The following TRIM58 variants were observed in gnomAD, a reference collection of about 807,000 sequenced individuals.
The protein encoded by TRIM58 is tripartite motif containing 58, also known as E3 ubiquitin-protein ligase TRIM58.
TRIM58 carries 38 observed loss-of-function variants against 34.1 expected under a neutral mutation model. The ratio of observed to expected loss-of-function variants is 1.12; its 90% CI spans 0.86 to 1.46. The LOEUF (loss-of-function observed/expected upper bound fraction) is 1.46, where lower values mean the gene tolerates loss of function less well. TRIM58 is among the 40% of genes most tolerant of loss of function. The pLI is 0.00. For missense variants in TRIM58, 677 were observed against 642.0 expected (o/e 1.05, Z -0.59); for synonymous variants, 273 against 275.7 (o/e 0.99, Z 0.10).
intron 5 of TRIM58, among the ~76,000 whole-genome samples, chr1:247,872,405 G>C (rs1164927652): frequency 6.6e-6 from 1 of 152,146 alleles, no homozygotes; most frequent in Non-Finnish European, 1.5e-5. Context: ...AAGATTTGCT[G>C]TTGGATTATA....
chr1:247,874,484 G>A (rs1277328956), intron 5 of TRIM58, among the ~76,000 whole-genome samples: 7 of 152,128 alleles, frequency 4.6e-5, no homozygotes, highest in South Asian at 4.1e-4. Context: ...ACATGAGACC[G>A]GGAGGCGATA....
At chr1:247,860,511 T>G in intron 1 of TRIM58, 106 bp from the exon 2 acceptor site, 1 of 704,084 alleles carries the variant, frequency 1.4e-6, no homozygotes, top group South Asian at 2.0e-5. Flanking sequence ...CATTTTTATG[T>G]GCTTTCTAGG....
At position 247,872,878 on chromosome 1, in the gene TRIM58, G is replaced by C. The variant is rs144507102; in HGVS notation, c.872-3022G>C. The stretch of plus-strand genomic sequence containing the variant: ...ATGGATGAGTGTTACCTTTGGAAAA[G>C]GGAGATTTTCCAGCACAAGTAGATT... On this transcript the variant is annotated intron_variant, in intron 5 of 5. Coordinates refer to ENST00000366481, the MANE Select transcript of TRIM58 (RefSeq NM_015431.4). Among the ~76,000 whole-genome samples the C allele has an allele frequency of 3.4e-3, 524 of 152,224 alleles. 3 individuals are homozygous for C. Among genetic ancestry groups the C allele is most frequent in the African/African-American group, 0.011 (454 of 41,526 alleles).
chr1:247,878,260 A>G lies in TRIM58; in HGVS notation c.*1771A>G, dbSNP rs1474065592. ...TGGTAAATGCTTCAATGCTAACCAA[A>G]TATTAATTAATGGCAAATTATTTAA... On this transcript the variant is annotated 3_prime_UTR_variant, in exon 6 of 6. Coordinates refer to ENST00000366481, the MANE Select transcript of TRIM58 (RefSeq NM_015431.4). The G allele has an allele frequency of 6.6e-6, 1 of 152,204 alleles. No homozygotes were observed. Among genetic ancestry groups the G allele is most frequent in the Non-Finnish European group, 1.5e-5 (1 of 68,030 alleles). The allele number at this position is 152,204 out of a possible 1,614,324, so 9.4% of individuals were successfully genotyped here. A position where few individuals can be genotyped will look rare whatever the true frequency, so the allele number is the denominator to read the frequency against.
rs974589374 is a variant in TRIM58 at position 247,857,353 on chromosome 1, G to A, written c.107G>A (p.Cys36Tyr). 1 of 1,519,188 alleles carries A rather than the reference G, an allele frequency of 6.6e-7. No individual in the cohort carries two copies. Among genetic ancestry groups the A allele is most frequent in the Non-Finnish European group, 8.8e-7 (1 of 1,131,822 alleles). 94.1% of individuals were successfully genotyped at this position (1,519,188 alleles called of 1,614,324 possible). A position where few individuals can be genotyped will look rare whatever the true frequency, so the allele number is the denominator to read the frequency against. ...AGCGTGGACTGCGGCCACAGCTTCTGCCTCAGGTGCATCTCCGAGTTCTGC... is the reference window on the plus strand; with the variant it reads ...AGCGTGGACTGCGGCCACAGCTTCTACCTCAGGTGCATCTCCGAGTTCTGC... ...PVSVDCGHSF[C>Y]LRCISEFCEK... The change falls in exon 1 of 6, where the codon TGC becomes TAC. Residue 36 changes from cysteine to tyrosine, a missense_variant. Coordinates refer to ENST00000366481, the MANE Select transcript of TRIM58 (RefSeq NM_015431.4).
intron 5 of TRIM58, among the ~76,000 whole-genome samples, chr1:247,872,757 A>G (rs1659171128): frequency 6.6e-6 from 1 of 152,138 alleles, no homozygotes; most frequent in Non-Finnish European, 1.5e-5. Context: ...GAAGAAGTCC[A>G]AGTCTTGGGA....
chr1:247,866,070 A>T lies in TRIM58; in HGVS notation c.747+1135A>T, dbSNP rs912926602. Among the ~76,000 whole-genome samples the T allele has an allele frequency of 7.2e-5, 11 of 152,178 alleles. No homozygotes were observed. In the South Asian group the frequency reaches 8.3e-4, roughly 11 times the overall value. On this transcript the variant is annotated intron_variant, in intron 3 of 5. Coordinates refer to ENST00000366481, the MANE Select transcript of TRIM58 (RefSeq NM_015431.4). ...CTTATATATATTAAATTTATATTTT[A>T]TTATTATTGCTATGTTCATTTCCTT... is the stretch of plus-strand genomic sequence containing the variant.
At chr1:247,874,436 C>G (rs532773959) in intron 5 of TRIM58, among the ~76,000 whole-genome samples, 6 of 152,274 alleles carry the variant, frequency 3.9e-5, no homozygotes, top group Non-Finnish European at 8.8e-5. Flanking sequence ...CAGCACCCCC[C>G]ACTAGGCCCC....
Position 247,864,778 on chromosome 1 carries a change from A to C in TRIM58, c.590A>C (p.Glu197Ala), listed in dbSNP as rs532972697. 28 of 1,614,148 alleles carry C rather than the reference A, an allele frequency of 1.7e-5. No individual in the cohort carries two copies. In the Admixed American group the frequency reaches 4.7e-4, roughly 27 times the overall value. Residue 197 changes from glutamate to alanine, a missense_variant, in exon 3 of 6, where the codon GAG (glutamate) becomes GCG (alanine). Glu to Ala is a moderately radical substitution (Grantham distance 107). Transcript: ENST00000366481. ...CATCGTGGCTTTCTGGCCCAGGAGG[A>C]GCAACGGCAGCTGAGGCGGCTGGAG... Reference protein sequence around the residue: ...EKHRGFLAQEEQRQLRRLEAE... With the variant: ...EKHRGFLAQEAQRQLRRLEAE...
chr1:247,863,362 A>G lies in TRIM58; in HGVS notation c.517-1343A>G, dbSNP rs1226113697. On this transcript the variant is annotated intron_variant, in intron 2 of 5. Transcript: ENST00000366481. The stretch of plus-strand genomic sequence containing the variant: ...AGACCAGCCTGACCAATACGGTGAA[A>G]CCCTGTCTCTACTAAAAATACAAAA... 2.0e-5 allele frequency among the ~76,000 whole-genome samples: 3 copies of G among 151,966 alleles called. No homozygotes were observed. The East Asian group carries it at 5.8e-4, about 30-fold the overall frequency.
Position 247,876,710 on chromosome 1 carries a change from A to G in TRIM58, c.*221A>G. 1 of 525,612 alleles carries G rather than the reference A, an allele frequency of 1.9e-6. No individual in the cohort carries two copies. Among genetic ancestry groups the G allele is most frequent in the Non-Finnish European group, 3.3e-6 (1 of 299,664 alleles). The allele number at this position is 525,612 out of a possible 1,614,324, so 32.6% of individuals were successfully genotyped here. A position where few individuals can be genotyped will look rare whatever the true frequency, so the allele number is the denominator to read the frequency against. On this transcript the variant is annotated 3_prime_UTR_variant, in exon 6 of 6. Transcript: ENST00000366481. ...TGTAAATGGAGCAATCTCAACCTCT[A>G]TTTCTAGATCACATTTTCTTGATGT... is the stretch of plus-strand genomic sequence containing the variant.
At chr1:247,859,884 A>T (rs1053732791) in intron 1 of TRIM58, among the ~76,000 whole-genome samples, 2 of 152,112 alleles carry the variant, frequency 1.3e-5, no homozygotes, top group African/African-American at 4.8e-5. Context: ...AATAGATGAC[A>T]TTTTATCTAA....
At position 247,860,663 on chromosome 1, in the gene TRIM58, A is replaced by T; in HGVS notation, c.467A>T (p.Asp156Val). 3 of 1,613,848 alleles carry T rather than the reference A, an allele frequency of 1.9e-6. No homozygotes were observed. The highest frequency in any genetic ancestry group is 1.3e-5 in the African/African-American group (1 of 74,988). ...ALELMRKELE[D>V]ALTQEANVGK... is the part of the protein sequence containing the mutation. ...GAACTTATGAGGAAAGAGTTGGAGG[A>T]CGCCTTGACTCAGGAGGCCAACGTG... The change falls in exon 2 of 6, where the codon GAC (aspartate) becomes GTC (valine). Residue 156 changes from aspartate (D) to valine (V), a missense_variant. Coordinates refer to ENST00000366481, the MANE Select transcript of TRIM58 (RefSeq NM_015431.4).
rs544294094 is a variant in TRIM58, at chr1:247,857,798, C to T, written c.420+132C>T. 53 of 1,157,690 alleles carry T rather than the reference C, an allele frequency of 4.6e-5. No individual in the cohort carries two copies. The African/African-American group carries it at 7.4e-4, about 16-fold the overall frequency. 71.7% of individuals were successfully genotyped at this position (1,157,690 alleles called of 1,614,324 possible). A position where few individuals can be genotyped will look rare whatever the true frequency, so the allele number is the denominator to read the frequency against. ...GCCGCTCCCCCCACCGCGCGCCGTC[C>T]CCCCCGCCCACGCGGCTCACTCAGT... is the stretch of plus-strand genomic sequence containing the variant. On this transcript the variant is annotated intron_variant, in intron 1 of 5. Coordinates refer to ENST00000366481, the MANE Select transcript of TRIM58 (RefSeq NM_015431.4).
chr1:247,862,170 G>A (rs1347229854), intron 2 of TRIM58, among the ~76,000 whole-genome samples: 1 of 151,976 alleles, frequency 6.6e-6, no homozygotes. Flanking sequence ...GTACATTATA[G>A]GTAAATGATG....
chr1:247,867,431 C>T (rs1012093859), intron 3 of TRIM58, among the ~76,000 whole-genome samples: 6 of 152,162 alleles, frequency 3.9e-5, no homozygotes, highest in African/African-American at 9.7e-5. Context: ...TGGTGACTCA[C>T]GCCTGTAATC....
chr1:247,863,650 C>T (rs548664283), intron 2 of TRIM58, among the ~76,000 whole-genome samples: 35 of 151,954 alleles, frequency 2.3e-4, no homozygotes, highest in Non-Finnish European at 4.1e-4. Context: ...TAAAATAAAT[C>T]GATAAAACAG....
intron 2 of TRIM58, among the ~76,000 whole-genome samples, chr1:247,861,282 C>A (rs1008274334): frequency 6.6e-6 from 1 of 152,132 alleles, no homozygotes; most frequent in Non-Finnish European, 1.5e-5. Flanking sequence ...TTCACATACA[C>A]ACACACACAC....
chr1:247,866,351 T>G (rs901265412), intron 3 of TRIM58, among the ~76,000 whole-genome samples: 32 of 152,020 alleles, frequency 2.1e-4, no homozygotes, highest in African/African-American at 6.0e-4. Context: ...TAATTTTTTT[T>G]TTTGCGTTTT....
Sources: allele counts gnomAD v4.1 joint callset (sites outside exome capture counted in the v4.1 genomes callset), GRCh38; gene constraint gnomAD v4.1.1; transcripts MANE v1.5; gene names NCBI Gene and HGNC (gene_info 2026-07-23, HGNC 2026-07-21).